Variants in KSR2 observed in about 807,000 individuals in gnomAD.
KSR2 encodes the protein kinase suppressor of ras 2.
Under a neutral mutation model 107.8 loss-of-function variants are expected in KSR2, and 25 were observed. That is an observed-to-expected ratio of 0.23 (90% CI 0.17 to 0.32). The LOEUF (loss-of-function observed/expected upper bound fraction) is 0.32. Among genes scored for constraint, KSR2 ranks in the 10% least tolerant of loss-of-function variants. The pLI, the probability that KSR2 is intolerant of heterozygous loss-of-function variation, is 1.00. For missense variants in KSR2, 887 were observed against 1,268.9 expected (o/e 0.70, Z 4.57); for synonymous variants, 480 against 507.0 (o/e 0.95, Z 0.71).
At chr12:117,962,752 C>G (rs927598070) in intron 1 of KSR2, among the ~76,000 whole-genome samples, 3 of 151,070 alleles carry the variant, frequency 2.0e-5, no homozygotes, top group Admixed American at 2.0e-4. Flanking sequence ...GCCACCATCA[C>G]CTGTTTTTGT....
intron 4 of KSR2, among the ~76,000 whole-genome samples, chr12:117,749,819 G>T (rs369961074): frequency 6.6e-6 from 1 of 152,158 alleles, no homozygotes; most frequent in African/African-American, 2.4e-5. Context: ...GGGGATTGTG[G>T]CATGGTCTTA....
At position 117,808,311 on chromosome 12, in the gene KSR2, C is replaced by G. The variant is rs184760976; in HGVS notation, c.473-46787G>C. On this transcript the variant is annotated intron_variant, in intron 3 of 19. Transcript: ENST00000339824. Reference sequence around the variant, plus strand: ...CAAAGCATTCCAGGTGACTCTGATGCACAGCCAAGCTTGAGAACCTCTTAG... The same window carrying G: ...CAAAGCATTCCAGGTGACTCTGATGGACAGCCAAGCTTGAGAACCTCTTAG... Among the ~76,000 whole-genome samples, 127 of 152,306 alleles carry G rather than the reference C, an allele frequency of 8.3e-4. 1 individual carries two copies. The highest frequency in any genetic ancestry group is 3.2e-4 in the Non-Finnish European group (22 of 68,020).
chr12:117,652,368 T>G (rs931639391), intron 5 of KSR2, among the ~76,000 whole-genome samples: 8 of 151,636 alleles, frequency 5.3e-5, no homozygotes, highest in Non-Finnish European at 1.2e-4. Flanking sequence ...ATCTCTGGCA[T>G]TGGCTAATTA....
intron 4 of KSR2, among the ~76,000 whole-genome samples, chr12:117,671,273 C>T (rs569647337): frequency 2.6e-5 from 4 of 152,298 alleles, no homozygotes; most frequent in Non-Finnish European, 4.4e-5. Context: ...ACTCCCTCTT[C>T]CCTCCTAGAC....
chr12:117,654,200 T>C (rs1884026522), intron 5 of KSR2, among the ~76,000 whole-genome samples: 1 of 152,208 alleles, frequency 6.6e-6, no homozygotes, highest in Non-Finnish European at 1.5e-5. Flanking sequence ...CTGACCCATG[T>C]AGCCATAAAG....
At chr12:117,578,593 C>A (rs1879433306) in intron 7 of KSR2, among the ~76,000 whole-genome samples, 1 of 128,724 alleles carries the variant, frequency 7.8e-6, no homozygotes. Context: ...CAGAGCAAGA[C>A]TCCATCTCAA....
At chr12:117,479,837 T>C (rs989725988) in intron 16 of KSR2, among the ~76,000 whole-genome samples, 7 of 152,134 alleles carry the variant, frequency 4.6e-5, no homozygotes, top group African/African-American at 1.4e-4. Context: ...CCCACAGAGG[T>C]TGAAGGCTCT....
chr12:117,537,137 C>G (rs572969125), intron 10 of KSR2, among the ~76,000 whole-genome samples: 2 of 152,122 alleles, frequency 1.3e-5, no homozygotes. Context: ...TGCTTGAACC[C>G]GGGAGGTGGA....
intron 7 of KSR2, among the ~76,000 whole-genome samples, chr12:117,558,862 GT>G (rs1877908286): frequency 6.6e-6 from 1 of 151,472 alleles, no homozygotes; most frequent in Non-Finnish European, 1.5e-5. Context: ...GGATGGATGG[GT>G]GGATGAATAG....
intron 15 of KSR2, among the ~76,000 whole-genome samples, chr12:117,485,332 C>T (rs1273917047): frequency 6.6e-6 from 1 of 152,152 alleles, no homozygotes; most frequent in Admixed American, 6.5e-5. Context: ...GACCCCTGGT[C>T]CTTGCATAGG....
Position 117,457,992 on chromosome 12 carries a change from T to C in KSR2, c.*9207A>G, listed in dbSNP as rs1180799784. On this transcript the variant is annotated 3_prime_UTR_variant, in exon 20 of 20. Transcript: ENST00000339824. The stretch of plus-strand genomic sequence containing the variant: ...TTTTCTTTCCATAGATCTACATGAG[T>C]TGCAAATTTATATATTTGTGGTTGA... The C allele has an allele frequency of 6.6e-6, 1 of 152,230 alleles. No individual in the cohort carries two copies. Among genetic ancestry groups the C allele is most frequent in the South Asian group, 2.1e-4 (1 of 4,828 alleles). The allele number at this position is 152,230 out of a possible 1,614,324, so 9.4% of individuals were successfully genotyped here.
chr12:117,865,639 G>C (rs879650007), intron 1 of KSR2, among the ~76,000 whole-genome samples: 13 of 152,072 alleles, frequency 8.5e-5, no homozygotes, highest in Admixed American at 5.2e-4. Flanking sequence ...CTACAGGTGT[G>C]AGCCACCATG....
chr12:117,794,032 G>GCA (rs751551931), intron 3 of KSR2, among the ~76,000 whole-genome samples: 1 of 32,520 alleles, frequency 3.1e-5, no homozygotes, highest in Non-Finnish European at 5.1e-5. Context: ...ACACCAACAT[G>GCA]CACACACCAA....
chr12:117,589,284 G>T (rs1383356474), intron 5 of KSR2, among the ~76,000 whole-genome samples: 1 of 152,148 alleles, frequency 6.6e-6, no homozygotes, highest in Non-Finnish European at 1.5e-5. Context: ...TGGAGATAAA[G>T]ACCTCTGAGC....
At chr12:117,796,156 T>C (rs1240184042) in intron 3 of KSR2, among the ~76,000 whole-genome samples, 5 of 152,070 alleles carry the variant, frequency 3.3e-5, no homozygotes, top group Non-Finnish European at 5.9e-5. Flanking sequence ...GCCTTGGAGC[T>C]CCTGGACTCA....
chr12:117,760,916 C>A, intron 4 of KSR2, 95 bp downstream of exon 4: 1 of 1,502,238 alleles, frequency 6.7e-7, no homozygotes. Flanking sequence ...AAGTCTGTTC[C>A]CGGTTTCCTT....
intron 7 of KSR2, 117 bp from the exon 8 acceptor site, chr12:117,558,690 G>A: frequency 1.1e-5 from 8 of 730,652 alleles, no homozygotes; most frequent in Middle Eastern, 2.4e-4. Flanking sequence ...TGGGTGAATG[G>A]ATGGGTAGAT....
chr12:117,905,974 T>C (rs1894830926), intron 1 of KSR2, among the ~76,000 whole-genome samples: 1 of 152,042 alleles, frequency 6.6e-6, no homozygotes, highest in African/African-American at 2.4e-5. Context: ...CATTCATTCA[T>C]TCCACAAATA....
intron 1 of KSR2, among the ~76,000 whole-genome samples, chr12:117,930,897 G>A (rs928074316): frequency 6.6e-6 from 1 of 152,140 alleles, no homozygotes; most frequent in African/African-American, 2.4e-5. Flanking sequence ...CTGGGCAACA[G>A]AAGAAGACCC....
Sources: gnomAD v4.1 joint callset for allele counts (sites outside exome capture counted in the v4.1 genomes callset) on GRCh38, gnomAD v4.1.1 for gene constraint, MANE v1.5 for transcripts, NCBI Gene and HGNC (gene_info 2026-07-23, HGNC 2026-07-21) for gene names.